SMG6: variants seen among roughly 807,000 people sequenced by gnomAD.
The protein encoded by SMG6 is telomerase-binding protein EST1A.
Under a neutral mutation model 142.2 loss-of-function variants are expected in SMG6, and 66 were observed. That is an observed-to-expected ratio of 0.46 (90% CI 0.38 to 0.57). SMG6 has a LOEUF of 0.57. SMG6 is among the 20% of genes least tolerant of loss of function. SMG6 has a pLI of 0.00. For synonymous variants in SMG6, 779 were observed against 702.4 expected (o/e 1.11, Z -1.72); for missense variants, 1,793 against 1,832.0 (o/e 0.98, Z 0.39).
At chr17:2,121,583 C>CTCTGTGTGTG (rs2069693082) in intron 13 of SMG6, among the ~76,000 whole-genome samples, 1 of 118,200 alleles carries the variant, frequency 8.5e-6, no homozygotes, top group Non-Finnish European at 1.9e-5. Context: ...ATGTACATGT[C>CTCTGTGTGTG]TGTCTGTGTG....
intron 8 of SMG6, among the ~76,000 whole-genome samples, chr17:2,271,506 GAGTT>G (rs2151357824): frequency 6.6e-6 from 1 of 151,140 alleles, no homozygotes; most frequent in African/African-American, 2.4e-5. Flanking sequence ...CTGAGGTCAG[GAGTT>G]CGAGACCAGC....
At chr17:2,144,223 T>A (rs2070588496) in intron 13 of SMG6, among the ~76,000 whole-genome samples, 1 of 152,030 alleles carries the variant, frequency 6.6e-6, no homozygotes, top group African/African-American at 2.4e-5. Flanking sequence ...CACGCCCAGC[T>A]AATTTTTATA....
chr17:2,251,652 T>C (rs2074048571), intron 8 of SMG6, among the ~76,000 whole-genome samples: 1 of 152,202 alleles, frequency 6.6e-6, no homozygotes, highest in Non-Finnish European at 1.5e-5. Context: ...CTAAAGCAAT[T>C]TGTTACTTCG....
intron 8 of SMG6, among the ~76,000 whole-genome samples, chr17:2,268,304 A>G (rs1311227524): frequency 6.6e-6 from 1 of 152,214 alleles, no homozygotes; most frequent in Non-Finnish European, 1.5e-5. Flanking sequence ...TCCAACAGAA[A>G]GCAAGTCACC....
intron 8 of SMG6, among the ~76,000 whole-genome samples, chr17:2,263,262 C>A (rs1356219222): frequency 6.6e-6 from 1 of 152,148 alleles, no homozygotes; most frequent in Non-Finnish European, 1.5e-5. Flanking sequence ...GCAGAAATTT[C>A]TTCCACAGGC....
At chr17:2,066,306 A>ATGTG (rs199712868) in intron 16 of SMG6, among the ~76,000 whole-genome samples, 3,657 of 151,086 alleles carry the variant, frequency 0.024, 136 homozygotes, top group African/African-American at 0.081. Context: ...GCGTGTGTAC[A>ATGTG]TGTATGTGTG....
At chr17:2,118,742 A>G (rs1314853421) in intron 13 of SMG6, among the ~76,000 whole-genome samples, 12 of 151,584 alleles carry the variant, frequency 7.9e-5, no homozygotes. Context: ...GTAGGCCACC[A>G]TGTCTGGCTG....
intron 1 of SMG6, among the ~76,000 whole-genome samples, chr17:2,302,023 C>T (rs563381593): frequency 6.6e-6 from 1 of 152,214 alleles, no homozygotes; most frequent in Admixed American, 6.5e-5. Flanking sequence ...GAGGCTGAGG[C>T]GGGAGGACTG....
At chr17:2,091,893 A>G (rs1236921153) in intron 13 of SMG6, among the ~76,000 whole-genome samples, 2 of 150,742 alleles carry the variant, frequency 1.3e-5, no homozygotes. Flanking sequence ...CGTGTTAGCC[A>G]GGACGGTCTT....
At chr17:2,196,084 A>G (rs2072315342) in intron 10 of SMG6, among the ~76,000 whole-genome samples, 1 of 152,214 alleles carries the variant, frequency 6.6e-6, no homozygotes, top group African/African-American at 2.4e-5. Context: ...GTCTAACAGA[A>G]CGTACGGAAA....
At chr17:2,088,581 C>T in intron 13 of SMG6, 1 of 985,348 alleles carries the variant, frequency 1.0e-6, no homozygotes, top group Non-Finnish European at 1.2e-6. Context: ...TGTTAACAGG[C>T]CTGGAAAGGA....
intron 15 of SMG6, among the ~76,000 whole-genome samples, chr17:2,080,256 T>A (rs1314727891): frequency 6.7e-6 from 1 of 150,282 alleles, no homozygotes; most frequent in Non-Finnish European, 1.5e-5. Context: ...CTGTCTTTAC[T>A]AAAAATACAA....
At chr17:2,303,335 C>A (rs1225139576) in intron 1 of SMG6, 2 of 1,168,608 alleles carry the variant, frequency 1.7e-6, no homozygotes, top group Admixed American at 4.7e-5. Flanking sequence ...GCCTGGGAAT[C>A]CGGGGCGGGT....
Position 2,071,797 on chromosome 17 carries a change from G to A in SMG6, c.3682-2866C>T, listed in dbSNP as rs1399087443. 1 of 152,244 alleles carries A rather than the reference G, an allele frequency of 6.6e-6. No homozygotes were observed. The highest frequency in any genetic ancestry group is 1.5e-5 in the Non-Finnish European group (1 of 68,084). The allele number at this position is 152,244 out of a possible 1,614,324, so 9.4% of individuals were successfully genotyped here. On this transcript the variant is annotated intron_variant, in intron 15 of 18. Transcript: ENST00000263073. This position sits in a 1 kb window ranked among gnomAD's most constrained non-coding sequence, Gnocchi z 5.6. ...CTCAGTCCCCTTAAAAAGAGTGGCA[G>A]GCGGAGGAGGGCTTCGGAGTCCACA...
At chr17:2,254,615 G>A (rs551506344) in intron 8 of SMG6, among the ~76,000 whole-genome samples, 3 of 152,170 alleles carry the variant, frequency 2.0e-5, no homozygotes, top group Non-Finnish European at 2.9e-5. Context: ...GACTACAGGC[G>A]TGAGATACCG....
intron 10 of SMG6, among the ~76,000 whole-genome samples, chr17:2,203,797 G>A (rs79640219): frequency 0.011 from 1,629 of 152,276 alleles, 32 homozygotes; most frequent in African/African-American, 0.037. Flanking sequence ...CTCTGCTGGC[G>A]TGAAGCTTCA....
intron 13 of SMG6, among the ~76,000 whole-genome samples, chr17:2,089,390 C>T (rs550177785): frequency 1.4e-4 from 22 of 152,194 alleles, no homozygotes; most frequent in African/African-American, 4.3e-4. Flanking sequence ...CTCTCCTCTG[C>T]GGTGTACCTT....
chr17:2,216,739 A>G (rs564104588), intron 10 of SMG6, among the ~76,000 whole-genome samples: 28 of 152,356 alleles, frequency 1.8e-4, no homozygotes, highest in African/African-American at 6.3e-4. Flanking sequence ...AAAATATTAT[A>G]TAGTCTCTTG....
intron 13 of SMG6, among the ~76,000 whole-genome samples, chr17:2,140,452 C>T (rs970503612): frequency 1.3e-5 from 2 of 152,110 alleles, no homozygotes; most frequent in Non-Finnish European, 2.9e-5. Context: ...TGGGTGGATC[C>T]TGAGGTCAGG....
Sources: allele counts gnomAD v4.1 joint callset (sites outside exome capture counted in the v4.1 genomes callset), GRCh38; gene constraint gnomAD v4.1.1; non-coding constraint Gnocchi (gnomAD v3.1); transcripts MANE v1.5; gene names NCBI Gene and HGNC (gene_info 2026-07-23, HGNC 2026-07-21).